Variants in PDE4D observed in about 807,000 individuals in gnomAD.
PDE4D encodes the protein phosphodiesterase 4D, also known as 3',5'-cyclic-AMP phosphodiesterase 4D.
Under a neutral mutation model 87.4 loss-of-function variants are expected in PDE4D, and 24 were observed. That is an observed-to-expected ratio of 0.27 (90% confidence interval 0.20 to 0.39). The LOEUF (loss-of-function observed/expected upper bound fraction) is 0.39. PDE4D is among the 10% of genes least tolerant of loss of function. The pLI, the probability that PDE4D is intolerant of heterozygous loss-of-function variation, is 1.00. For synonymous variants in PDE4D, 384 were observed against 383.2 expected, an observed-to-expected ratio of 1.00 and a Z score of -0.02; for missense variants, 714 against 1,041.0, an observed-to-expected ratio of 0.69 and a Z score of 4.32.
chr5:59,983,128 GTC>G (rs939951633), intron 3 of PDE4D, among the ~76,000 whole-genome samples: 1 of 152,032 alleles, frequency 6.6e-6, no homozygotes, highest in Non-Finnish European at 1.5e-5. Flanking sequence ...CCCCACTCTT[GTC>G]TACTCACTAC....
chr5:59,050,288 G>GA (rs1440918929), intron 5 of PDE4D, among the ~76,000 whole-genome samples: 1 of 152,064 alleles, frequency 6.6e-6, no homozygotes, highest in African/African-American at 2.4e-5. Flanking sequence ...AAAAAGAAAA[G>GA]AAAAAACACA....
rs192395411 is a variant in PDE4D at position 58,996,372 on chromosome 5, A to C, written c.922-2907T>G. Among the ~76,000 whole-genome samples, 10 of 152,356 alleles carry C rather than the reference A, an allele frequency of 6.6e-5. No homozygotes were observed. In the East Asian group the frequency reaches 1.7e-3, roughly 26 times the overall value. On this transcript the variant is annotated intron_variant, in intron 6 of 14. Transcript: ENST00000340635. ...CATATTCCAAAGAAAAGAGTCTGCT[A>C]AACATTTTAAACACACATTCAATGA... is the stretch of plus-strand genomic sequence containing the variant.
At chr5:59,047,280 A>G (rs1420682385) in intron 5 of PDE4D, among the ~76,000 whole-genome samples, 1 of 152,210 alleles carries the variant, frequency 6.6e-6, no homozygotes. Context: ...AAGAAAAAAG[A>G]ATTTCAAGGA....
chr5:60,218,876 T>G (rs1259616932), intron 1 of PDE4D, among the ~76,000 whole-genome samples: 4 of 152,148 alleles, frequency 2.6e-5, no homozygotes, highest in Non-Finnish European at 5.9e-5. Context: ...ACCCTCTCTA[T>G]GAACCATGTA....
intron 1 of PDE4D, among the ~76,000 whole-genome samples, chr5:59,464,081 G>C (rs189732146): frequency 1.5e-3 from 224 of 151,706 alleles, no homozygotes; most frequent in African/African-American, 5.1e-3. Context: ...CAAAAACTGC[G>C]GAAGGCTGCA....
chr5:59,837,434 T>A (rs950424880), intron 1 of PDE4D, among the ~76,000 whole-genome samples: 18 of 152,078 alleles, frequency 1.2e-4, no homozygotes, highest in Admixed American at 9.2e-4. Flanking sequence ...GTCATATATG[T>A]CTAGGTGTTC....
At chr5:60,488,265 GCTTC>G (rs1749311435), upstream of PDE4D, 1 of 152,110 alleles carries the variant, frequency 6.6e-6, no homozygotes, top group South Asian at 2.1e-4. Context: ...AAAAATCACA[GCTTC>G]CTTGTCGGAG....
chr5:60,261,817 G>A (rs1583242254), intron 1 of PDE4D, among the ~76,000 whole-genome samples: 1 of 152,114 alleles, frequency 6.6e-6, no homozygotes, highest in Admixed American at 6.6e-5. Context: ...GGCCACAAGT[G>A]TGCATGAAAC....
At chr5:60,473,119 GAAAGAAAGGAAGGA>G (rs1286218994) in intron 1 of PDE4D, among the ~76,000 whole-genome samples, 2,857 of 120,644 alleles carry the variant, frequency 0.024, 170 homozygotes, top group African/African-American at 0.082. Flanking sequence ...GAGAGAGAGA[GAAAGAAAGGAAGGA>G]AGGAAGGAAG....
intron 2 of PDE4D, among the ~76,000 whole-genome samples, chr5:60,182,882 A>G (rs1784484911): frequency 7.1e-6 from 1 of 140,402 alleles, no homozygotes; most frequent in Admixed American, 7.0e-5. Context: ...TCCGTCTCAG[A>G]AAAAAAAAAA....
chr5:59,239,472 C>A (rs117349566), intron 1 of PDE4D, among the ~76,000 whole-genome samples: 2 of 152,226 alleles, frequency 1.3e-5, no homozygotes, highest in East Asian at 1.9e-4. Flanking sequence ...ATTCTACAGG[C>A]CTTTTTCCAA....
intron 6 of PDE4D, among the ~76,000 whole-genome samples, chr5:59,007,415 A>G (rs1212879385): frequency 2.0e-5 from 3 of 152,064 alleles, no homozygotes; most frequent in Non-Finnish European, 4.4e-5. Context: ...TTAAACTTCA[A>G]GTATTAAACA....
intron 3 of PDE4D, among the ~76,000 whole-genome samples, chr5:59,952,074 C>G (rs1030999368): frequency 1.3e-5 from 2 of 152,126 alleles, no homozygotes; most frequent in African/African-American, 4.8e-5. Context: ...CAGTTTCCCC[C>G]ATCCGGCTCT....
chr5:60,231,610 C>T (rs756184666), intron 1 of PDE4D, among the ~76,000 whole-genome samples: 11 of 151,836 alleles, frequency 7.2e-5, no homozygotes, highest in South Asian at 2.1e-4. Flanking sequence ...GAACAATACA[C>T]GGGAACATCT....
At chr5:59,127,227 G>T (rs1236448662) in intron 5 of PDE4D, among the ~76,000 whole-genome samples, 1 of 152,144 alleles carries the variant, frequency 6.6e-6, no homozygotes, top group East Asian at 1.9e-4. Flanking sequence ...TTGCTTTGTA[G>T]TAGCTCCTTT....
At chr5:59,915,477 T>C (rs756260852) in intron 3 of PDE4D, among the ~76,000 whole-genome samples, 13 of 152,214 alleles carry the variant, frequency 8.5e-5, no homozygotes, top group Non-Finnish European at 1.6e-4. Flanking sequence ...TGGAGAACAC[T>C]GGGAATAAGC....
chr5:60,339,780 C>T (rs1388079341), intron 1 of PDE4D, among the ~76,000 whole-genome samples: 1 of 152,206 alleles, frequency 6.6e-6, no homozygotes, highest in Non-Finnish European at 1.5e-5. Flanking sequence ...AGTTATTTCA[C>T]GGCAGCCATG....
At chr5:59,521,318 T>C (rs1812200250) in intron 1 of PDE4D, among the ~76,000 whole-genome samples, 1 of 152,160 alleles carries the variant, frequency 6.6e-6, no homozygotes. Context: ...CCATCTTGCA[T>C]AAAGCAGTCA....
intron 1 of PDE4D, among the ~76,000 whole-genome samples, chr5:60,431,821 A>G (rs1410445772): frequency 1.3e-5 from 2 of 152,234 alleles, no homozygotes; most frequent in Non-Finnish European, 2.9e-5. Context: ...CTGCAATCCC[A>G]GCACCTCGGG....
Sources: allele counts gnomAD v4.1 joint callset (sites outside exome capture counted in the v4.1 genomes callset), GRCh38; gene constraint gnomAD v4.1.1; transcripts MANE v1.5; gene names NCBI Gene and HGNC (gene_info 2026-07-23, HGNC 2026-07-21).